DMTF1: variants seen among roughly 807,000 people sequenced by gnomAD.
DMTF1 encodes cyclin D binding myb like transcription factor 1.
DMTF1 carries 39 observed loss-of-function variants against 91.1 expected under a neutral mutation model. That is an observed-to-expected ratio of 0.43 (90% confidence interval 0.33 to 0.56). The LOEUF is 0.56. Ranked by LOEUF, DMTF1 falls within the 20% of genes least tolerant of loss-of-function variation. The pLI is 0.05. For synonymous variants in DMTF1, 338 were observed against 309.5 expected (o/e 1.09, Z -0.97); for missense variants, 750 against 914.5 (o/e 0.82, Z 2.32).
At chr7:87,182,139 A>G in intron 9 of DMTF1, 89 bp from the exon 10 acceptor site, 2 of 1,584,826 alleles carry the variant, frequency 1.3e-6, no homozygotes, top group Non-Finnish European at 1.7e-6. Context: ...AACCAGTCAA[A>G]TGGGAAGAAG....
intron 4 of DMTF1, among the ~76,000 whole-genome samples, chr7:87,170,357 A>T (rs10228392): frequency 0.84 from 128,227 of 152,122 alleles, 54,272 homozygotes; most frequent in Middle Eastern, 0.96. Flanking sequence ...ATATTATTCC[A>T]CTATTCAAAA....
intron 3 of DMTF1, among the ~76,000 whole-genome samples, chr7:87,165,799 T>C (rs1395417507): frequency 6.6e-6 from 1 of 152,232 alleles, no homozygotes. Context: ...TGGTTGGGAA[T>C]AAATTACTTC....
intron 2 of DMTF1, among the ~76,000 whole-genome samples, chr7:87,164,054 TAAAAA>T (rs61634018): frequency 5.4e-5 from 4 of 73,486 alleles, no homozygotes; most frequent in Admixed American, 1.6e-4. Flanking sequence ...ACGCCTTCTC[TAAAAA>T]AAAAAAAAAA....
intron 1 of DMTF1, among the ~76,000 whole-genome samples, chr7:87,154,716 T>TG (rs1198872954): frequency 6.6e-6 from 1 of 152,226 alleles, no homozygotes; most frequent in East Asian, 1.9e-4. Flanking sequence ...TGTTTACTGG[T>TG]GGAGACTCAT....
chr7:87,174,895 A>G (rs1239322147), intron 7 of DMTF1, among the ~76,000 whole-genome samples: 1 of 152,186 alleles, frequency 6.6e-6, no homozygotes, highest in Non-Finnish European at 1.5e-5. Context: ...TTACCACCCT[A>G]AAGTTTAGAT....
At position 87,193,841 on chromosome 7, in the gene DMTF1, G is replaced by A. The variant is rs1800505047; in HGVS notation, c.1767G>A (p.Leu589=). Residue 589 remains leucine (L), a synonymous_variant, in exon 16 of 18, where the codon CTG becomes CTA. Coordinates refer to ENST00000331242, the MANE Select transcript of DMTF1 (RefSeq NM_001142327.2). ...CTTCTTCCATATCCCAAGCAGAACT[G>A]ACAGTCGATAGTGATATTCAGTCAT... ...DITSSISQAE[L]TVDSDIQSSD... 1 of 1,613,244 alleles carries A rather than the reference G, an allele frequency of 6.2e-7. No homozygotes were observed. The highest frequency in any genetic ancestry group is 8.5e-7 in the Non-Finnish European group (1 of 1,179,630).
chr7:87,156,387 A>AT (rs1441352392), intron 1 of DMTF1, among the ~76,000 whole-genome samples: 1 of 152,148 alleles, frequency 6.6e-6, no homozygotes, highest in Non-Finnish European at 1.5e-5. Context: ...CTCTGTTGAC[A>AT]TTTTTATGAT....
In DMTF1 at chr7:87,184,387, C is replaced by T. The variant is rs1471410190; in HGVS notation, c.821-10C>T. 2.5e-6 allele frequency: 4 copies of T among 1,611,876 alleles called. No individual in the cohort carries two copies. The highest frequency in any genetic ancestry group is 1.6e-4 in the Middle Eastern group (1 of 6,072). On this transcript the variant is annotated splice_polypyrimidine_tract_variant and intron_variant, in intron 10 of 17. Coordinates refer to ENST00000331242, the MANE Select transcript of DMTF1 (RefSeq NM_001142327.2). The stretch of plus-strand genomic sequence containing the variant: ...TAGCAGTGGTAGTCTGGATGATTTC[C>T]TTTTTTCAGGGAAGTGGACAGAAGA...
At chr7:87,172,766 C>T (rs866834683) in intron 5 of DMTF1, among the ~76,000 whole-genome samples, 1 of 152,334 alleles carries the variant, frequency 6.6e-6, no homozygotes, top group South Asian at 2.1e-4. Flanking sequence ...ATTTACATTA[C>T]GGTTCTCTTT....
intron 9 of DMTF1, among the ~76,000 whole-genome samples, 183 bp downstream of exon 9, chr7:87,181,524 A>C (rs1411621511): frequency 1.3e-5 from 2 of 152,186 alleles, no homozygotes; most frequent in African/African-American, 4.8e-5. Flanking sequence ...CATTCTCATA[A>C]TGTATAATCT....
chr7:87,193,371 C>T lies in DMTF1; in HGVS notation c.1650+18C>T, dbSNP rs752673501. The stretch of plus-strand genomic sequence containing the variant: ...CTTTATCCGTATGTTACATAAATTA[C>T]TTGATTTTTGAGTACCTGTTATAGA... On this transcript the variant is annotated intron_variant, in intron 15 of 17. Coordinates refer to ENST00000331242, the MANE Select transcript of DMTF1 (RefSeq NM_001142327.2). 2.7e-5 allele frequency: 43 copies of T among 1,612,282 alleles called. No individual in the cohort carries two copies. The highest frequency in any genetic ancestry group is 1.9e-5 in the Non-Finnish European group (22 of 1,178,966).
chr7:87,193,820 T>C lies in DMTF1; in HGVS notation c.1746T>C (p.Ser582=), dbSNP rs780643318. Reference sequence around the variant, plus strand: ...CTGTTGCCACAGAGGACATCACTTCTTCCATATCCCAAGCAGAACTGACAG... The same window carrying C: ...CTGTTGCCACAGAGGACATCACTTCCTCCATATCCCAAGCAGAACTGACAG... ...IQTVATEDIT[S]SISQAELTVD... Residue 582 remains serine, a synonymous_variant, in exon 16 of 18, where the codon TCT becomes TCC. Transcript: ENST00000331242. 2 of 1,613,282 alleles carry C rather than the reference T, an allele frequency of 1.2e-6. No homozygotes were observed. The highest frequency in any genetic ancestry group is 2.2e-5 in the South Asian group (2 of 91,054).
intron 8 of DMTF1, among the ~76,000 whole-genome samples, chr7:87,180,776 T>G (rs1797155814): frequency 6.6e-6 from 1 of 151,836 alleles, no homozygotes; most frequent in African/African-American, 2.4e-5. Flanking sequence ...CTAGAGAAAA[T>G]TATACAATCC....
intron 1 of DMTF1, among the ~76,000 whole-genome samples, chr7:87,158,355 A>G (rs1423537976): frequency 1.3e-5 from 2 of 152,078 alleles, no homozygotes; most frequent in Non-Finnish European, 2.9e-5. Context: ...GTCTGAAAAA[A>G]TGCTTCTAAG....
intron 13 of DMTF1, among the ~76,000 whole-genome samples, chr7:87,190,213 A>T (rs1303739652): frequency 6.6e-6 from 1 of 151,946 alleles, no homozygotes; most frequent in Non-Finnish European, 1.5e-5. Context: ...CAGTCCCCAA[A>T]TGTGGTCTTC....
In DMTF1 at chr7:87,193,260, A is replaced by C. The variant is rs1435303079; in HGVS notation, c.1557A>C (p.Gln519His). The change falls in exon 15 of 18, where the codon CAA (glutamine) becomes CAC (histidine). Residue 519 changes from glutamine (Q) to histidine (H), a missense_variant. Gln to His is a conservative substitution (Grantham distance 24, BLOSUM62 0). Transcript: ENST00000331242. ...GTYLLQTSSSQGLPLTLTASP... is the reference protein window; with the variant it reads ...GTYLLQTSSSHGLPLTLTASP... ...ACCTACTTCAAACAAGCTCAAGCCA[A>C]GGCCTTCCCCTAACTCTGACTGCTA... 13 of 1,613,402 alleles carry C rather than the reference A, an allele frequency of 8.1e-6. No individual in the cohort carries two copies. The highest frequency in any genetic ancestry group is 1.1e-5 in the Non-Finnish European group (13 of 1,179,606).
chr7:87,189,339 ATCTT>A (rs1202082754), intron 13 of DMTF1, among the ~76,000 whole-genome samples: 5 of 152,174 alleles, frequency 3.3e-5, no homozygotes, highest in Non-Finnish European at 7.4e-5. Flanking sequence ...GAATTTGGTT[ATCTT>A]TCTACCAGTG....
rs75526789 is a variant in DMTF1, at chr7:87,169,045, C to T, written c.233-1950C>T. ...TACCCTTCCATTTACTTAATTTCTT[C>T]CCCTTTACCTACTCAAGGACATTGT... On this transcript the variant is annotated intron_variant, in intron 4 of 17. Coordinates refer to ENST00000331242, the MANE Select transcript of DMTF1 (RefSeq NM_001142327.2). Among the ~76,000 whole-genome samples, 1,242 of 152,302 alleles carry T rather than the reference C, an allele frequency of 8.2e-3. 5 individuals carry two copies. Among genetic ancestry groups the T allele is most frequent in the Admixed American group, 0.012 (183 of 15,302 alleles).
chr7:87,183,357 G>A (rs1399624131), intron 10 of DMTF1, among the ~76,000 whole-genome samples: 1 of 152,146 alleles, frequency 6.6e-6, no homozygotes, highest in Non-Finnish European at 1.5e-5. Flanking sequence ...ACCCCTTTTG[G>A]TAACAAAATT....
Sources: allele counts gnomAD v4.1 joint callset (sites outside exome capture counted in the v4.1 genomes callset), GRCh38; gene constraint gnomAD v4.1.1; transcripts MANE v1.5; gene names NCBI Gene and HGNC (gene_info 2026-07-23, HGNC 2026-07-21).